Variants in SHISA9 observed in about 807,000 individuals in gnomAD.
The protein encoded by SHISA9 is protein shisa-9.
A neutral mutation model predicts 38.0 loss-of-function variants in SHISA9; 13 were observed. The ratio of observed to expected loss-of-function variants is 0.34; its 90% CI spans 0.22 to 0.54. The LOEUF (loss-of-function observed/expected upper bound fraction) is 0.54. SHISA9 is among the 20% of genes least tolerant of loss of function. The pLI, the probability that SHISA9 is intolerant of heterozygous loss-of-function variation, is 0.91. For missense variants in SHISA9, 538 were observed against 575.8 expected, an observed-to-expected ratio of 0.93 and a Z score of 0.67; for synonymous variants, 275 against 242.0, an observed-to-expected ratio of 1.14 and a Z score of -1.27.
intron 2 of SHISA9, among the ~76,000 whole-genome samples, chr16:13,089,940 G>A (rs1477398223): frequency 6.6e-6 from 1 of 152,134 alleles, no homozygotes; most frequent in East Asian, 1.9e-4. Flanking sequence ...TGGGCATTTA[G>A]TGCAATAAAT....
the SHISA9 span, chr16:13,458,481 G>T: frequency 2.6e-6 from 1 of 390,890 alleles, no homozygotes; most frequent in Non-Finnish European, 5.0e-6. Flanking sequence ...CTCATTTACA[G>T]CTAGAAATTG....
At chr16:13,334,974 A>C in the SHISA9 span, among the ~76,000 whole-genome samples, 3 of 152,164 alleles carry the variant, frequency 2.0e-5, no homozygotes, top group African/African-American at 7.2e-5. Flanking sequence ...TATATTCTAG[A>C]GACAAGGTAA....
chr16:13,329,145 G>A, the SHISA9 span, among the ~76,000 whole-genome samples: 1 of 152,140 alleles, frequency 6.6e-6, no homozygotes, highest in Non-Finnish European at 1.5e-5. Context: ...ATAAGATTGG[G>A]GTAGGGCGAC....
the SHISA9 span, among the ~76,000 whole-genome samples, chr16:13,493,120 G>T: frequency 1.1e-4 from 16 of 152,202 alleles, no homozygotes; most frequent in Admixed American, 3.3e-4. Context: ...TGTCCCTATT[G>T]CTTGGCACAT....
the SHISA9 span, among the ~76,000 whole-genome samples, chr16:13,309,322 A>G: frequency 6.6e-6 from 1 of 152,100 alleles, no homozygotes; most frequent in African/African-American, 2.4e-5. Context: ...AAACCTGCAC[A>G]TCCTGCACAT....
chr16:12,979,445 G>T, intron 2 of SHISA9, among the ~76,000 whole-genome samples: 1 of 152,120 alleles, frequency 6.6e-6, no homozygotes, highest in South Asian at 2.1e-4. Flanking sequence ...TTTTAATAAT[G>T]TGATAAGCGC....
At chr16:13,434,695 G>A in the SHISA9 span, among the ~76,000 whole-genome samples, 3 of 152,134 alleles carry the variant, frequency 2.0e-5, no homozygotes, top group Non-Finnish European at 2.9e-5. Flanking sequence ...TGGGATTACA[G>A]GCATGAGCCA....
the SHISA9 span, among the ~76,000 whole-genome samples, chr16:13,562,366 A>T: frequency 6.6e-6 from 1 of 152,214 alleles, no homozygotes; most frequent in African/African-American, 2.4e-5. Context: ...ACAGTGGCTC[A>T]TGCCTGTAAT....
the SHISA9 span, among the ~76,000 whole-genome samples, chr16:13,456,385 T>G: frequency 6.6e-6 from 1 of 152,202 alleles, no homozygotes; most frequent in Admixed American, 6.5e-5. Flanking sequence ...AATAATCATG[T>G]TTTTTCCTCC....
At chr16:13,354,474 G>A in the SHISA9 span, among the ~76,000 whole-genome samples, 9 of 151,590 alleles carry the variant, frequency 5.9e-5, no homozygotes, top group South Asian at 1.1e-3. Context: ...CAGGAACAAC[G>A]GTAATTGTGG....
chr16:13,546,484 T>G, the SHISA9 span, among the ~76,000 whole-genome samples: 1 of 152,204 alleles, frequency 6.6e-6, no homozygotes, highest in Non-Finnish European at 1.5e-5. Flanking sequence ...CTTTGCTGAG[T>G]GCAGTATTCT....
intron 2 of SHISA9, among the ~76,000 whole-genome samples, chr16:12,981,789 C>T (rs2072243135): frequency 6.6e-6 from 1 of 151,968 alleles, no homozygotes; most frequent in Non-Finnish European, 1.5e-5. Context: ...GGACTCTAAC[C>T]CCATATGACT....
the SHISA9 span, among the ~76,000 whole-genome samples, chr16:13,492,476 G>A: frequency 2.3e-3 from 345 of 152,310 alleles, no homozygotes; most frequent in Admixed American, 7.6e-3. Context: ...GGGATTTTTA[G>A]AACATTACAG....
chr16:13,513,413 T>A, the SHISA9 span, among the ~76,000 whole-genome samples: 1 of 152,196 alleles, frequency 6.6e-6, no homozygotes, highest in African/African-American at 2.4e-5. Context: ...GTTCAACCAT[T>A]GTCAAAGACA....
intron 2 of SHISA9, among the ~76,000 whole-genome samples, chr16:12,978,814 G>A (rs1015530111): frequency 6.6e-6 from 1 of 152,226 alleles, no homozygotes; most frequent in African/African-American, 2.4e-5. Flanking sequence ...AGTGGCTGGA[G>A]GGATGGATAG....
the SHISA9 span, among the ~76,000 whole-genome samples, chr16:13,321,261 G>A: frequency 6.6e-6 from 1 of 152,196 alleles, no homozygotes; most frequent in Non-Finnish European, 1.5e-5. Flanking sequence ...TGAGGTCAGA[G>A]ATCATGTCCC....
At chr16:13,540,799 TTTATTA>T in the SHISA9 span, among the ~76,000 whole-genome samples, 1 of 152,226 alleles carries the variant, frequency 6.6e-6, no homozygotes, top group Non-Finnish European at 1.5e-5. Flanking sequence ...ATCATTAATA[TTTATTA>T]TTATTACTGC....
At position 12,949,789 on chromosome 16, in the gene SHISA9, T is replaced by C. The variant is rs1043523551; in HGVS notation, c.691+32974T>C. Reference sequence around the variant, plus strand: ...GGGGTACTTATGATATTTCAGTACATGCATACAATGTGTAATAATCAAATA... The same window carrying C: ...GGGGTACTTATGATATTTCAGTACACGCATACAATGTGTAATAATCAAATA... On this transcript the variant is annotated intron_variant, in intron 2 of 4. Coordinates refer to ENST00000558583, the MANE Select transcript of SHISA9 (RefSeq NM_001145204.3). Among the ~76,000 whole-genome samples the C allele has an allele frequency of 1.4e-4, 22 of 152,344 alleles. No homozygotes were observed. In the Middle Eastern group the frequency reaches 0.014, roughly 94 times the overall value.
At chr16:13,119,815 A>G (rs2074067919) in intron 2 of SHISA9, among the ~76,000 whole-genome samples, 1 of 152,230 alleles carries the variant, frequency 6.6e-6, no homozygotes, top group South Asian at 2.1e-4. Flanking sequence ...TAGTTATTTC[A>G]GGCAAGTACT....
Sources: allele counts gnomAD v4.1 joint callset (sites outside exome capture counted in the v4.1 genomes callset), GRCh38; gene constraint gnomAD v4.1.1; transcripts MANE v1.5; gene names NCBI Gene and HGNC (gene_info 2026-07-23, HGNC 2026-07-21).